ADRA1D: variants seen among roughly 807,000 people sequenced by gnomAD.
ADRA1D encodes the protein alpha-1D adrenergic receptor.
Under a neutral mutation model 18.6 loss-of-function variants are expected in ADRA1D, and 22 were observed. The ratio of observed to expected loss-of-function variants is 1.19; its 90% confidence interval spans 0.85 to 1.69. The LOEUF (loss-of-function observed/expected upper bound fraction) is 1.69. Ranked by LOEUF, ADRA1D falls within the 40% of genes most tolerant of loss-of-function variation. The pLI is 0.00. For missense variants in ADRA1D, 840 were observed against 840.7 expected (o/e 1.00, Z 0.01); for synonymous variants, 376 against 388.2 (o/e 0.97, Z 0.37).
At chr20:4,244,982 C>G (rs1981300769) in intron 1 of ADRA1D, among the ~76,000 whole-genome samples, 1 of 152,118 alleles carries the variant, frequency 6.6e-6, no homozygotes, top group Admixed American at 6.5e-5. Flanking sequence ...GCCTCCTCCA[C>G]CCCCCAATTC....
At chr20:4,244,507 C>T (rs1981289152) in intron 1 of ADRA1D, among the ~76,000 whole-genome samples, 1 of 152,200 alleles carries the variant, frequency 6.6e-6, no homozygotes, top group South Asian at 2.1e-4. Flanking sequence ...CTGCAACCAT[C>T]CCCATCTTTG....
chr20:4,221,505 G>T lies in ADRA1D; in HGVS notation c.*18C>A. The T allele has an allele frequency of 6.3e-7, 1 of 1,590,204 alleles. No individual in the cohort carries two copies. The highest frequency in any genetic ancestry group is 8.6e-7 in the Non-Finnish European group (1 of 1,162,934). On this transcript the variant is annotated 3_prime_UTR_variant, in exon 2 of 2. Coordinates refer to ENST00000379453, the MANE Select transcript of ADRA1D (RefSeq NM_000678.4). ...TACCCCCAAGCCCAGCACACTCCGC[G>T]GCCTAGCTCTGGGGTCCTTAAATAT...
chr20:4,228,815 A>C (rs6084665), intron 1 of ADRA1D, among the ~76,000 whole-genome samples: 41,104 of 152,048 alleles, frequency 0.27, 6,127 homozygotes, highest in African/African-American at 0.4. Flanking sequence ...CTCGATCCTT[A>C]AGCCACCCAC....
rs1179826437 is a variant in ADRA1D, at chr20:4,230,534, GACAGCCCCTGGCCTC to G, written c.1112-8419_1112-8405del. On this transcript the variant is annotated intron_variant, in intron 1 of 1. Coordinates refer to ENST00000379453, the MANE Select transcript of ADRA1D (RefSeq NM_000678.4). ...TGCTTAGGTGGCGGCAGCAGCCCCTGACAGCCCCTGGCCTCACAGCCCCTGGCCTCAACCCATATC... is the reference window on the plus strand; with the variant it reads ...TGCTTAGGTGGCGGCAGCAGCCCCTGACAGCCCCTGGCCTCAACCCATATC... Among the ~76,000 whole-genome samples, 6 of 152,278 alleles carry G rather than the reference GACAGCCCCTGGCCTC, an allele frequency of 3.9e-5. No individual in the cohort carries two copies. In the East Asian group the frequency reaches 5.8e-4, roughly 15 times the overall value.
intron 1 of ADRA1D, among the ~76,000 whole-genome samples, chr20:4,241,815 C>G (rs138465093): frequency 1.3e-5 from 2 of 152,346 alleles, no homozygotes; most frequent in East Asian, 3.9e-4. Context: ...CCAAAGTATG[C>G]CTTCCAGCCT....
At chr20:4,243,337 TG>T (rs1350211356) in intron 1 of ADRA1D, among the ~76,000 whole-genome samples, 1 of 86,568 alleles carries the variant, frequency 1.2e-5, no homozygotes, top group Non-Finnish European at 3.6e-5. Context: ...TCTACAAGTC[TG>T]GGCTCCTCGG....
intron 1 of ADRA1D, among the ~76,000 whole-genome samples, chr20:4,231,067 TC>T (rs1232913319): frequency 3.7e-5 from 3 of 80,432 alleles, no homozygotes; most frequent in African/African-American, 5.3e-5. Context: ...TCTTTCTTTC[TC>T]TCTCTCTCTC....
rs1981174696 is a variant in ADRA1D at position 4,239,894 on chromosome 20, A to G, written c.1111+7953T>C. ...AAATCATTTTAGAATGCTAGTGAAT[A>G]AATGAAGGAGGTATGATAGGATTAG... On this transcript the variant is annotated intron_variant, in intron 1 of 1. Transcript: ENST00000379453. The surrounding 1 kb of genome is among the most constrained non-coding windows in gnomAD (Gnocchi z 4.9). Among the ~76,000 whole-genome samples the G allele has an allele frequency of 6.6e-6, 1 of 152,238 alleles. No homozygotes were observed. Among genetic ancestry groups the G allele is most frequent in the South Asian group, 2.1e-4 (1 of 4,834 alleles).
At chr20:4,238,797 A>G (rs2122671372) in intron 1 of ADRA1D, among the ~76,000 whole-genome samples, 1 of 152,262 alleles carries the variant, frequency 6.6e-6, no homozygotes, top group Admixed American at 6.5e-5. Flanking sequence ...TTACCAGGAC[A>G]TCATAGGGAG....
rs1375250652 is a variant in ADRA1D, at chr20:4,248,913, G to GC, written c.44dup (p.Asp17GlyfsTer98). ...TGGAGCCCCCTGCGCTGCTGTCCGG[G>GC]CGGGGTCCCTCGAAACTGACGCTCA... On this transcript the variant is annotated frameshift_variant, in exon 1 of 2. Transcript: ENST00000379453. LOFTEE classifies it high-confidence loss of function. 26 of 1,337,466 alleles carry GC rather than the reference G, an allele frequency of 1.9e-5. No homozygotes were observed. Among genetic ancestry groups the GC allele is most frequent in the Non-Finnish European group, 2.5e-5 (26 of 1,032,220 alleles). 82.8% of individuals were successfully genotyped at this position (1,337,466 alleles called of 1,614,324 possible). A position where few individuals can be genotyped will look rare whatever the true frequency, so the allele number is the denominator to read the frequency against.
chr20:4,248,905 C>A lies in ADRA1D; in HGVS notation c.53G>T (p.Ser18Ile). The A allele has an allele frequency of 1.5e-6, 2 of 1,311,566 alleles. No individual in the cohort carries two copies. Among genetic ancestry groups the A allele is most frequent in the South Asian group, 1.6e-5 (1 of 63,934 alleles). The allele number at this position is 1,311,566 out of a possible 1,614,324, so 81.2% of individuals were successfully genotyped here. Residue 18 changes from serine to isoleucine, a missense_variant, in exon 1 of 2, where the codon AGC becomes ATC. By Grantham distance (142) the Ser-to-Ile change is moderately radical. Transcript: ENST00000379453. ...SVSFEGPRPD[S>I]SAGGSSAGGG... ...GCCCGCGCTGGAGCCCCCTGCGCTG[C>A]TGTCCGGGCGGGGTCCCTCGAAACT...
chr20:4,221,843 G>C lies in ADRA1D; in HGVS notation c.1399C>G (p.Leu467Val), dbSNP rs1435815073. 3 of 1,486,456 alleles carry C rather than the reference G, an allele frequency of 2.0e-6. No homozygotes were observed. The allele number at this position is 1,486,456 out of a possible 1,614,324, so 92.1% of individuals were successfully genotyped here. Residue 467 changes from leucine to valine, a missense_variant, in exon 2 of 2, where the codon CTC becomes GTC. By Grantham distance (32) the Leu-to-Val change is conservative (BLOSUM62 1). Coordinates refer to ENST00000379453, the MANE Select transcript of ADRA1D (RefSeq NM_000678.4). ...PPGAPLALTA[L>V]PDPDPEPPGT... is the part of the protein sequence containing the mutation. ...GGGGGTTCGGGGTCGGGGTCGGGGA[G>C]CGCGGTGAGGGCCAGCGGCGCTCCG...
chr20:4,226,091 G>A (rs992258356), intron 1 of ADRA1D, among the ~76,000 whole-genome samples: 2 of 152,252 alleles, frequency 1.3e-5, no homozygotes, highest in Non-Finnish European at 1.5e-5. Context: ...TTTCAGTGGT[G>A]AGCCTGAAGC....
chr20:4,236,775 C>T (rs1001006742), intron 1 of ADRA1D, among the ~76,000 whole-genome samples: 2 of 152,074 alleles, frequency 1.3e-5, no homozygotes, highest in Non-Finnish European at 2.9e-5. Context: ...GAGAGGGAGA[C>T]GTGGCAACAG....
At position 4,248,766 on chromosome 20, in the gene ADRA1D, G is replaced by C. The variant is rs900690349; in HGVS notation, c.192C>G (p.Asp64Glu). 5.7e-6 allele frequency: 8 copies of C among 1,392,658 alleles called. No homozygotes were observed. The Admixed American group carries it at 2.4e-4, about 42-fold the overall frequency. 86.3% of individuals were successfully genotyped at this position (1,392,658 alleles called of 1,614,324 possible). ...GGVVGAGSGEDNRSSAGEPGS... is the reference protein window; with the variant it reads ...GGVVGAGSGEENRSSAGEPGS... ...CCGGCTCCCCCGCGGAGCTCCGGTT[G>C]TCCTCGCCGCTGCCTGCGCCCACCA... is the stretch of plus-strand genomic sequence containing the variant. Residue 64 changes from aspartate to glutamate, a missense_variant, in exon 1 of 2, where the codon GAC becomes GAG. Transcript: ENST00000379453.
intron 1 of ADRA1D, among the ~76,000 whole-genome samples, chr20:4,228,616 C>T (rs981120450): frequency 6.6e-6 from 1 of 152,198 alleles, no homozygotes; most frequent in Admixed American, 6.5e-5. Flanking sequence ...AATCTTTACC[C>T]CTCTTTCCAA....
At chr20:4,236,274 C>T (rs986084552) in intron 1 of ADRA1D, among the ~76,000 whole-genome samples, 1 of 152,194 alleles carries the variant, frequency 6.6e-6, no homozygotes, top group Non-Finnish European at 1.5e-5. Flanking sequence ...CTGCTAATAG[C>T]ATCTACCTCA....
intron 1 of ADRA1D, among the ~76,000 whole-genome samples, chr20:4,229,478 A>G (rs564588944): frequency 9.2e-5 from 14 of 152,316 alleles, no homozygotes; most frequent in African/African-American, 2.6e-4. Flanking sequence ...TAAATTCTGG[A>G]TAAGGTGGCC....
At chr20:4,236,179 C>T (rs1190497714) in intron 1 of ADRA1D, among the ~76,000 whole-genome samples, 2 of 152,228 alleles carry the variant, frequency 1.3e-5, no homozygotes, top group Non-Finnish European at 2.9e-5. Context: ...GTTCCAATGT[C>T]GGCTCTGACA....
Sources: allele counts gnomAD v4.1 joint callset (sites outside exome capture counted in the v4.1 genomes callset), GRCh38; gene constraint gnomAD v4.1.1; non-coding constraint Gnocchi (gnomAD v3.1); transcripts MANE v1.5; gene names NCBI Gene and HGNC (gene_info 2026-07-23, HGNC 2026-07-21).